PEX16: variants seen among roughly 807,000 people sequenced by gnomAD.
PEX16 encodes peroxisomal biogenesis factor 16.
A neutral mutation model predicts 50.5 loss-of-function variants in PEX16; 37 were observed. The ratio of observed to expected loss-of-function variants is 0.73; its 90% CI spans 0.56 to 0.96. PEX16 has a LOEUF of 0.96. Ranked by LOEUF, PEX16 falls within the 40% of genes least tolerant of loss-of-function variation. The probability of loss-of-function intolerance (pLI) is 0.00; values close to 1 mark genes in which losing one functional copy is unlikely to be tolerated. For synonymous variants in PEX16, 185 were observed against 190.3 expected, an observed-to-expected ratio of 0.97 and a Z score of 0.23; for missense variants, 401 against 438.3, an observed-to-expected ratio of 0.91 and a Z score of 0.76.
At chr11:45,917,037 CTT>C (rs1376119637) in intron 2 of PEX16, 9 of 490,204 alleles carry the variant, frequency 1.8e-5, no homozygotes, top group Non-Finnish European at 3.6e-5. Flanking sequence ...GGCAAACACT[CTT>C]GAGGTAGTTA....
chr11:45,915,733 C>T lies in PEX16; in HGVS notation c.329G>A (p.Trp110Ter). 1 of 1,614,108 alleles carries T rather than the reference C, an allele frequency of 6.2e-7. No individual in the cohort carries two copies. Among genetic ancestry groups the T allele is most frequent in the Non-Finnish European group, 8.5e-7 (1 of 1,180,010 alleles). Residue 110 changes from tryptophan (W) to a stop codon, truncating the protein, a stop_gained, in exon 4 of 11, where the codon TGG becomes TAG. Coordinates refer to ENST00000378750, the MANE Select transcript of PEX16 (RefSeq NM_004813.4). LOFTEE classifies it high-confidence loss of function. ...CAGCTGGACGAGGGCGATGACAAGC[C>T]AGCGGCCCACTTCACCCCACACCTT... Reference protein sequence around the residue: ...AAKVWGEVGRWLVIALVQLAK... With the variant: ...AAKVWGEVGR
Position 45,913,895 on chromosome 11 carries a change from G to A in PEX16, c.811C>T (p.Arg271Trp), listed in dbSNP as rs777810731. ...ATGGTCCGGCGCCGCAGCTCCCGCC[G>A]CTCCCTCCGGGTCAGGCCCTTTCTG... ...SDRKGLTRRE[R>W]RELRRRTILL... Residue 271 changes from arginine to tryptophan, a missense_variant, in exon 9 of 11, where the codon CGG (arginine) becomes TGG (tryptophan). Physicochemically the swap from Arg to Trp is moderately radical, Grantham distance 101 (BLOSUM62 -3). Transcript: ENST00000378750. 10 of 1,613,218 alleles carry A rather than the reference G, an allele frequency of 6.2e-6. No homozygotes were observed. Among genetic ancestry groups the A allele is most frequent in the East Asian group, 2.2e-5 (1 of 44,866 alleles).
intron 9 of PEX16, among the ~76,000 whole-genome samples, 199 bp from the exon 10 acceptor site, chr11:45,911,161 C>T (rs1166600084): frequency 6.6e-6 from 1 of 152,262 alleles, no homozygotes; most frequent in Non-Finnish European, 1.5e-5. Context: ...CTCCACCCTC[C>T]ACCAGCTCAG....
At chr11:45,911,273 C>T (rs1182175192) in intron 9 of PEX16, among the ~76,000 whole-genome samples, 1 of 152,232 alleles carries the variant, frequency 6.6e-6, no homozygotes, top group Non-Finnish European at 1.5e-5. Context: ...TGTGGAGCAG[C>T]GCCCTGGCAG....
At chr11:45,910,801 C>A in intron 10 of PEX16, 97 bp downstream of exon 10, 1 of 1,168,396 alleles carries the variant, frequency 8.6e-7, no homozygotes, top group Non-Finnish European at 1.3e-6. Flanking sequence ...CCTGACTGTG[C>A]CAAGAATCAA....
intron 9 of PEX16, among the ~76,000 whole-genome samples, chr11:45,911,576 C>G (rs531739381): frequency 1.3e-5 from 2 of 152,230 alleles, no homozygotes; most frequent in Admixed American, 1.3e-4. Flanking sequence ...CTGCTGTACG[C>G]GTTAGTCACT....
Position 45,915,576 on chromosome 11 carries a change from G to T in PEX16, c.360-8C>A. On this transcript the variant is annotated splice_region_variant and splice_polypyrimidine_tract_variant and intron_variant, in intron 4 of 10. Transcript: ENST00000378750. The stretch of plus-strand genomic sequence containing the variant: ...AGCATCCGCAGTACAGCCCTGGGTC[G>T]GGGAGTATGTCAGGGTTGTGGGGAG... 1 of 1,613,800 alleles carries T rather than the reference G, an allele frequency of 6.2e-7. No individual in the cohort carries two copies. The highest frequency in any genetic ancestry group is 8.5e-7 in the Non-Finnish European group (1 of 1,179,750).
At position 45,909,915 on chromosome 11, in the gene PEX16, G is replaced by A; in HGVS notation, c.*339C>T. ...TCCTGTCCTCACCAGGGGCCAGCGA[G>A]AGAGCAGCAGTGTTCGCTCCTATGG... On this transcript the variant is annotated 3_prime_UTR_variant, in exon 11 of 11. Transcript: ENST00000378750. The A allele has an allele frequency of 1.6e-6, 1 of 639,266 alleles. No homozygotes were observed. Among genetic ancestry groups the A allele is most frequent in the Non-Finnish European group, 2.8e-6 (1 of 356,438 alleles). 39.6% of individuals were successfully genotyped at this position (639,266 alleles called of 1,614,324 possible). A position where few individuals can be genotyped will look rare whatever the true frequency, so the allele number is the denominator to read the frequency against.
chr11:45,918,346 G>A, upstream of PEX16: 1 of 196,622 alleles, frequency 5.1e-6, no homozygotes, highest in East Asian at 1.3e-4. Flanking sequence ...AAATACAGTT[G>A]CACTGTGTCT....
chr11:45,910,763 A>C (rs920781114), intron 10 of PEX16, 135 bp downstream of exon 10: 2 of 936,934 alleles, frequency 2.1e-6, no homozygotes, highest in South Asian at 2.6e-5. Flanking sequence ...GGGCAGTCCC[A>C]CCCAATCCTG....
intron 5 of PEX16, 101 bp from the exon 6 acceptor site, chr11:45,914,785 C>G: frequency 2.0e-6 from 2 of 995,508 alleles, no homozygotes; most frequent in Non-Finnish European, 3.2e-6. Flanking sequence ...AAGGGGAGAA[C>G]AGATGAGCTT....
In PEX16 at chr11:45,909,776, A is replaced by T. The variant is rs906472171; in HGVS notation, c.*478T>A. ...CAGGCTCTGTCACAGGGAGGCTGGC[A>T]ACGCCATGGCCTGGGGCTGCCAGAG... On this transcript the variant is annotated 3_prime_UTR_variant, in exon 11 of 11. Coordinates refer to ENST00000378750, the MANE Select transcript of PEX16 (RefSeq NM_004813.4). 1.1e-5 allele frequency: 5 copies of T among 451,078 alleles called. No homozygotes were observed. The highest frequency in any genetic ancestry group is 9.8e-5 in the African/African-American group (5 of 51,076). The allele number at this position is 451,078 out of a possible 1,614,324, so 27.9% of individuals were successfully genotyped here.
rs1473757281 is a variant in PEX16, at chr11:45,913,923, A to T, written c.783T>A (p.Ser261Arg). Residue 261 changes from serine (S) to arginine (R), a missense_variant, in exon 9 of 11, where the codon AGT (serine) becomes AGA (arginine). By Grantham distance (110) the Ser-to-Arg change is moderately radical (BLOSUM62 -1). Coordinates refer to ENST00000378750, the MANE Select transcript of PEX16 (RefSeq NM_004813.4). Reference sequence around the variant, plus strand: ...CCCTCCGGGTCAGGCCCTTTCTGTCACTCAGGAGGCTCAGGCTGGGAGGCA... The same window carrying T: ...CCCTCCGGGTCAGGCCCTTTCTGTCTCTCAGGAGGCTCAGGCTGGGAGGCA... Reference protein sequence around the residue: ...VVDVTSLSLLSDRKGLTRRER... With the variant: ...VVDVTSLSLLRDRKGLTRRER... 6.2e-7 allele frequency: 1 copy of T among 1,612,658 alleles called. No individual in the cohort carries two copies. Among genetic ancestry groups the T allele is most frequent in the Admixed American group, 1.7e-5 (1 of 59,972 alleles).
intron 1 of PEX16, 31 bp from the exon 2 acceptor site, chr11:45,917,524 T>G (rs930719807): frequency 6.2e-7 from 1 of 1,612,836 alleles, no homozygotes; most frequent in Non-Finnish European, 8.5e-7. Context: ...GAGGTGTGAG[T>G]GAGCATCTGC....
In PEX16 at chr11:45,913,876, C is replaced by T. The variant is rs542844862; in HGVS notation, c.830G>A (p.Arg277Gln). 12 of 1,612,574 alleles carry T rather than the reference C, an allele frequency of 7.4e-6. No individual in the cohort carries two copies. Among genetic ancestry groups the T allele is most frequent in the African/African-American group, 1.3e-5 (1 of 75,030 alleles). Residue 277 changes from arginine (R) to glutamine (Q), a missense_variant, in exon 9 of 11, where the codon CGG becomes CAG. Physicochemically the swap from Arg to Gln is conservative, Grantham distance 43. Coordinates refer to ENST00000378750, the MANE Select transcript of PEX16 (RefSeq NM_004813.4). Reference protein sequence around the residue: ...TRRERRELRRRTILLLYYLLR... With the variant: ...TRRERRELRRQTILLLYYLLR... Reference sequence around the variant, plus strand: ...CAGGTAGTAGAGCAGCAGGATGGTCCGGCGCCGCAGCTCCCGCCGCTCCCT... The same window carrying T: ...CAGGTAGTAGAGCAGCAGGATGGTCTGGCGCCGCAGCTCCCGCCGCTCCCT...
At position 45,915,513 on chromosome 11, in the gene PEX16, G is replaced by T; in HGVS notation, c.415C>A (p.Pro139Thr). The T allele has an allele frequency of 6.2e-7, 1 of 1,614,198 alleles. No individual in the cohort carries two copies. Among genetic ancestry groups the T allele is most frequent in the Non-Finnish European group, 8.5e-7 (1 of 1,180,034 alleles). The change falls in exon 5 of 11, where the codon CCC (proline) becomes ACC (threonine). Residue 139 changes from proline (P) to threonine (T), a missense_variant. By Grantham distance (38) the Pro-to-Thr change is conservative. Coordinates refer to ENST00000378750, the MANE Select transcript of PEX16 (RefSeq NM_004813.4). ...TCTCTGTCCAGTGGAACGATAGGGGGTGAAGTCTGGAGGCCAGCCTTGAAC... is the reference window on the plus strand; with the variant it reads ...TCTCTGTCCAGTGGAACGATAGGGGTTGAAGTCTGGAGGCCAGCCTTGAAC... ...LWFKAGLQTSPPIVPLDRETQ... is the reference protein window; with the variant it reads ...LWFKAGLQTSTPIVPLDRETQ...
intron 2 of PEX16, chr11:45,917,012 T>C: frequency 2.1e-6 from 1 of 472,254 alleles, no homozygotes; most frequent in Non-Finnish European, 4.2e-6. Flanking sequence ...TTCAGGACTG[T>C]GACAGCAGTC....
chr11:45,916,891 AACTCCTG>A (rs1442437123), intron 2 of PEX16: 1 of 395,694 alleles, frequency 2.5e-6, no homozygotes, highest in African/African-American at 2.1e-5. Context: ...GCTGGTCTCG[AACTCCTG>A]ACCTCACGTG....
chr11:45,913,979 T>G, intron 8 of PEX16, 41 bp from the exon 9 acceptor site: 1 of 1,609,656 alleles, frequency 6.2e-7, no homozygotes, highest in Non-Finnish European at 8.5e-7. Flanking sequence ...AGGGGCATGA[T>G]CTAGGCCCAC....
Sources: gnomAD v4.1 joint callset for allele counts (sites outside exome capture counted in the v4.1 genomes callset) on GRCh38, gnomAD v4.1.1 for gene constraint, MANE v1.5 for transcripts, NCBI Gene and HGNC (gene_info 2026-07-23, HGNC 2026-07-21) for gene names.